KRT84: variants seen among roughly 807,000 people sequenced by gnomAD.
KRT84 encodes the protein keratin, type II cuticular Hb4.
In KRT84, 38 loss-of-function variants were observed where a neutral mutation model predicts 49.0. The observed-to-expected ratio is 0.78, with a 90% CI of 0.60 to 1.02. KRT84 has a LOEUF of 1.02. Ranked by LOEUF, KRT84 falls within the 50% of genes least tolerant of loss-of-function variation. KRT84 has a pLI of 0.00. For synonymous variants in KRT84, 334 were observed against 312.8 expected (o/e 1.07, Z -0.72); for missense variants, 860 against 788.6 (o/e 1.09, Z -1.08).
rs367736903 is a variant in KRT84 at position 52,383,845 on chromosome 12, T to C, written c.547-47A>G. ...ATGGCATTTGAAGTGCTTGATAGGG[T>C]TCATGCCTTGACCAAGCTCTTGAGA... is the stretch of plus-strand genomic sequence containing the variant. On this transcript the variant is annotated intron_variant, in intron 1 of 8. Coordinates refer to ENST00000257951, the MANE Select transcript of KRT84 (RefSeq NM_033045.4). 9 of 1,510,098 alleles carry C rather than the reference T, an allele frequency of 6.0e-6. No individual in the cohort carries two copies. In the African/African-American group the frequency reaches 1.3e-4, roughly 22 times the overall value. 93.5% of individuals were successfully genotyped at this position (1,510,098 alleles called of 1,614,324 possible).
In KRT84 at chr12:52,377,944, G is replaced by C. The variant is rs17714415; in HGVS notation, c.*90C>G. 3 of 1,021,850 alleles carry C rather than the reference G, an allele frequency of 2.9e-6. No individual in the cohort carries two copies. The allele number at this position is 1,021,850 out of a possible 1,614,324, so 63.3% of individuals were successfully genotyped here. On this transcript the variant is annotated 3_prime_UTR_variant, in exon 9 of 9. Transcript: ENST00000257951. ...CTGGCAGAAAGGGGAGCTGGAGACC[G>C]TCAAGCCCAGAGCCCACGAACCCTG... is the stretch of plus-strand genomic sequence containing the variant.
In KRT84 at chr12:52,381,469, G is replaced by A. The variant is rs746407111; in HGVS notation, c.969C>T (p.Asp323=). ...CATCAAGGTTCAGGTCACGGCTGTTGTCCATCTTCACAATGACCGACGTCT... is the reference window on the plus strand; with the variant it reads ...CATCAAGGTTCAGGTCACGGCTGTTATCCATCTTCACAATGACCGACGTCT... The part of the protein sequence containing the change: ...ISETSVIVKM[D]NSRDLNLDGI... Residue 323 remains aspartate, a synonymous_variant, in exon 5 of 9, where the codon GAC becomes GAT. Transcript: ENST00000257951. 8.7e-6 allele frequency: 14 copies of A among 1,614,042 alleles called. No individual in the cohort carries two copies. The East Asian group carries it at 2.9e-4, about 33-fold the overall frequency.
chr12:52,385,349 A>G lies in KRT84; in HGVS notation c.237T>C (p.Phe79=). Residue 79 remains phenylalanine (F), a synonymous_variant, in exon 1 of 9, where the codon TTT becomes TTC. Coordinates refer to ENST00000257951, the MANE Select transcript of KRT84 (RefSeq NM_033045.4). Reference sequence around the variant, plus strand: ...CAAAACCCATCCCACAGCCAGCACCAAAGCGGACTCCACAGTGGATGGGCC... The same window carrying G: ...CAAAACCCATCCCACAGCCAGCACCGAAGCGGACTCCACAGTGGATGGGCC... ...GSRPIHCGVR[F]GAGCGMGFGD... The G allele has an allele frequency of 6.2e-7, 1 of 1,614,200 alleles. No homozygotes were observed. Among genetic ancestry groups the G allele is most frequent in the Admixed American group, 1.7e-5 (1 of 60,026 alleles).
chr12:52,381,622 G>C (rs1939487406), intron 4 of KRT84, 97 bp from the exon 5 acceptor site: 6 of 1,181,064 alleles, frequency 5.1e-6, no homozygotes, highest in Admixed American at 2.0e-5. Flanking sequence ...CAGGGGCAGA[G>C]AGCATCACTC....
At position 52,383,681 on chromosome 12, in the gene KRT84, G is replaced by T. The variant is rs370908162; in HGVS notation, c.664C>A (p.Arg222=). 3 of 1,614,172 alleles carry T rather than the reference G, an allele frequency of 1.9e-6. No homozygotes were observed. Among genetic ancestry groups the T allele is most frequent in the East Asian group, 2.2e-5 (1 of 44,888 alleles). ...CTGACCAGCACCTCCAACTGCCTCC[G>T]CAGGTTGGTGATGTAGCTCTCGAAG... The part of the protein sequence containing the change: ...PLFESYITNL[R]RQLEVLVSDQ... Residue 222 remains arginine (R), a synonymous_variant, in exon 2 of 9, where the codon CGG becomes AGG. Transcript: ENST00000257951.
chr12:52,384,264 T>C (rs1381493380), intron 1 of KRT84, among the ~76,000 whole-genome samples: 1 of 143,358 alleles, frequency 7.0e-6, no homozygotes, highest in Non-Finnish European at 1.5e-5. Flanking sequence ...ATTGGCTATG[T>C]GTAGAGCTGG....
intron 6 of KRT84, 85 bp downstream of exon 6, chr12:52,380,995 C>T: frequency 3.2e-6 from 5 of 1,549,016 alleles, no homozygotes; most frequent in Non-Finnish European, 4.4e-6. Context: ...GATGGTCTCC[C>T]TCACCTCATT....
At chr12:52,382,365 C>G in intron 4 of KRT84, 72 bp downstream of exon 4, 1 of 1,008,128 alleles carries the variant, frequency 9.9e-7, no homozygotes, top group East Asian at 2.4e-5. Context: ...TATGCTAGCC[C>G]AGGCTAAGCA....
chr12:52,380,399 G>A lies in KRT84; in HGVS notation c.1388C>T (p.Ala463Val), dbSNP rs1318036006. ...GCCCTCCAGCAGGCGCCTGTAGGTG[G>A]CGATCTCGATGTCCAGGCCCAGCTT... ...NAKLGLDIEI[A>V]TYRRLLEGEE... is the part of the protein sequence containing the mutation. Residue 463 changes from alanine to valine, a missense_variant, in exon 7 of 9, where the codon GCC becomes GTC. Transcript: ENST00000257951. The A allele has an allele frequency of 2.5e-6, 4 of 1,614,142 alleles. No individual in the cohort carries two copies. Among genetic ancestry groups the A allele is most frequent in the Admixed American group, 1.7e-5 (1 of 60,022 alleles).
chr12:52,385,606 C>G lies in KRT84; in HGVS notation c.-21G>C. 1 of 1,606,206 alleles carries G rather than the reference C, an allele frequency of 6.2e-7. No homozygotes were observed. Among genetic ancestry groups the G allele is most frequent in the Non-Finnish European group, 8.5e-7 (1 of 1,176,110 alleles). ...GACATGATGGCTTCCTGGTTGGGAG[C>G]AAAAGAGCAAGTGTAGAATGGGTGA... On this transcript the variant is annotated 5_prime_UTR_variant, in exon 1 of 9. Transcript: ENST00000257951.
At chr12:52,383,468 G>T in intron 2 of KRT84, 122 bp downstream of exon 2, 1 of 392,020 alleles carries the variant, frequency 2.6e-6, no homozygotes, top group Non-Finnish European at 4.8e-6. Context: ...CACCTCCCCA[G>T]GCTTGATGTG....
Position 52,385,406 on chromosome 12 carries a change from C to T in KRT84, c.180G>A (p.Ser60=), listed in dbSNP as rs1385416885. 12 of 1,614,050 alleles carry T rather than the reference C, an allele frequency of 7.4e-6. No individual in the cohort carries two copies. In the East Asian group the frequency reaches 1.1e-4, roughly 15 times the overall value. ...FGSRSVITFG[S]YSPRIAAVGS... ...CTACAGCTGCTATCCGGGGTGAGTACGATCCAAAGGTGATGACACTCCGAC... is the reference window on the plus strand; with the variant it reads ...CTACAGCTGCTATCCGGGGTGAGTATGATCCAAAGGTGATGACACTCCGAC... The change falls in exon 1 of 9, where the codon TCG becomes TCA. Residue 60 remains serine, a synonymous_variant. Coordinates refer to ENST00000257951, the MANE Select transcript of KRT84 (RefSeq NM_033045.4).
At position 52,380,059 on chromosome 12, in the gene KRT84, G is replaced by A. The variant is rs781387594; in HGVS notation, c.1425-152C>T. 89 of 724,632 alleles carry A rather than the reference G, an allele frequency of 1.2e-4. 1 individual carries two copies. In the Middle Eastern group the frequency reaches 1.4e-3, roughly 12 times the overall value. The allele number at this position is 724,632 out of a possible 1,614,324, so 44.9% of individuals were successfully genotyped here. A position where few individuals can be genotyped will look rare whatever the true frequency, so the allele number is the denominator to read the frequency against. On this transcript the variant is annotated intron_variant, in intron 7 of 8. Coordinates refer to ENST00000257951, the MANE Select transcript of KRT84 (RefSeq NM_033045.4). ...ACATCTGGGGAGCGTTGAAAAACAC[G>A]TTCTTAGACCCTATCCCAAAACCAT...
chr12:52,380,956 A>G lies in KRT84; in HGVS notation c.1203+124T>C, dbSNP rs1013230254. ...TCCTCCAGAAAGCCTTCCTGGACTG[A>G]TCCCTCCATTCCTTGGTTTCTGGGT... On this transcript the variant is annotated intron_variant, in intron 6 of 8. Coordinates refer to ENST00000257951, the MANE Select transcript of KRT84 (RefSeq NM_033045.4). 3.0e-6 allele frequency: 4 copies of G among 1,317,896 alleles called. No individual in the cohort carries two copies. In the African/African-American group the frequency reaches 5.9e-5, roughly 19 times the overall value. The allele number at this position is 1,317,896 out of a possible 1,614,324, so 81.6% of individuals were successfully genotyped here. A position where few individuals can be genotyped will look rare whatever the true frequency, so the allele number is the denominator to read the frequency against.
At chr12:52,382,667 C>A in intron 3 of KRT84, 135 bp from the exon 4 acceptor site, 1 of 686,456 alleles carries the variant, frequency 1.5e-6, no homozygotes, top group South Asian at 1.8e-5. Flanking sequence ...TGAAGCTCAG[C>A]AACTTTTGCT....
chr12:52,378,348 C>G lies in KRT84; in HGVS notation c.1489G>C (p.Gly497Arg), dbSNP rs7297413. The change falls in exon 9 of 9, where the codon GGG becomes CGG. Residue 497 changes from glycine (G) to arginine (R), a missense_variant. Physicochemically the swap from Gly to Arg is moderately radical, Grantham distance 125. Coordinates refer to ENST00000257951, the MANE Select transcript of KRT84 (RefSeq NM_033045.4). ...GAGCCGGCAACCAAAGGCTCAGGCC[C>G]GCACACCAGGCCGCCCCGGGAGCTG... Reference protein sequence around the residue: ...VSSSRGGLVCGPEPLVAGSTL... With the variant: ...VSSSRGGLVCRPEPLVAGSTL... 2.0e-4 allele frequency: 304 copies of G among 1,497,352 alleles called. 1 individual carries two copies. The highest frequency in any genetic ancestry group is 1.9e-3 in the South Asian group (145 of 77,992). 92.8% of individuals were successfully genotyped at this position (1,497,352 alleles called of 1,614,324 possible).
Position 52,382,530 on chromosome 12 carries a change from A to G in KRT84, c.819T>C (p.Asp273=). The change falls in exon 4 of 9, where the codon GAT becomes GAC. Residue 273 remains aspartate (D), a splice_region_variant and synonymous_variant. Coordinates refer to ENST00000257951, the MANE Select transcript of KRT84 (RefSeq NM_033045.4). ...AENEFVALKK[D]VDAAFMNKSD... is the part of the protein sequence containing the mutation. ...ACTTGTTCATGAAAGCTGCATCCACATCCTGTATAAAACAGAGAAGGATAA... is the reference window on the plus strand; with the variant it reads ...ACTTGTTCATGAAAGCTGCATCCACGTCCTGTATAAAACAGAGAAGGATAA... 2 of 1,611,686 alleles carry G rather than the reference A, an allele frequency of 1.2e-6. No individual in the cohort carries two copies. Among genetic ancestry groups the G allele is most frequent in the Middle Eastern group, 1.6e-4 (1 of 6,062 alleles).
Position 52,381,221 on chromosome 12 carries a change from G to A in KRT84, c.1078-16C>T. ...TCTCTTCATACTGCGGAGAGAGGAG[G>A]GTATTTTGAGGGTTCGGAGGTCAGG... On this transcript the variant is annotated splice_polypyrimidine_tract_variant and intron_variant, in intron 5 of 8. Coordinates refer to ENST00000257951, the MANE Select transcript of KRT84 (RefSeq NM_033045.4). 1 of 1,613,882 alleles carries A rather than the reference G, an allele frequency of 6.2e-7. No homozygotes were observed. The highest frequency in any genetic ancestry group is 1.6e-4 in the Middle Eastern group (1 of 6,062).
At chr12:52,380,710 C>A in intron 6 of KRT84, 127 bp from the exon 7 acceptor site, 2 of 1,001,608 alleles carry the variant, frequency 2.0e-6, no homozygotes, top group Non-Finnish European at 2.9e-6. Flanking sequence ...CCCATGGTGG[C>A]TGCTTTCCCA....
Sources: allele counts gnomAD v4.1 joint callset (sites outside exome capture counted in the v4.1 genomes callset), GRCh38; gene constraint gnomAD v4.1.1; transcripts MANE v1.5; gene names NCBI Gene and HGNC (gene_info 2026-07-23, HGNC 2026-07-21).